Variants in COP1 observed in about 807,000 individuals in gnomAD.
The protein encoded by COP1 is COP1 E3 ubiquitin ligase.
In COP1, 24 loss-of-function variants were observed where a neutral mutation model predicts 101.3. That is an observed-to-expected ratio of 0.24 (90% CI 0.17 to 0.33). COP1 has a LOEUF of 0.33. Among genes scored for constraint, COP1 ranks in the 10% least tolerant of loss-of-function variants. The probability of loss-of-function intolerance (pLI) is 1.00; values close to 1 mark genes in which losing one functional copy is unlikely to be tolerated. For missense variants in COP1, 663 were observed against 906.2 expected, an observed-to-expected ratio of 0.73 and a Z score of 3.45; for synonymous variants, 347 against 341.9, an observed-to-expected ratio of 1.01 and a Z score of -0.17.
At chr1:175,953,230 T>C (rs1006486970) in intron 18 of COP1, among the ~76,000 whole-genome samples, 2 of 149,496 alleles carry the variant, frequency 1.3e-5, no homozygotes, top group East Asian at 2.0e-4. Context: ...CATTAAAAAA[T>C]ACAAGAAACA....
chr1:176,203,806 A>G (rs1299231667), intron 1 of COP1, among the ~76,000 whole-genome samples: 1 of 152,240 alleles, frequency 6.6e-6, no homozygotes, highest in Non-Finnish European at 1.5e-5. Context: ...TTACTTTCAA[A>G]TATAAGTCAG....
intron 1 of COP1, among the ~76,000 whole-genome samples, chr1:176,204,597 AAG>A (rs772402816): frequency 3.3e-5 from 5 of 152,192 alleles, no homozygotes; most frequent in Non-Finnish European, 7.3e-5. Context: ...TCACCAGAAA[AAG>A]AAATAATTAA....
intron 15 of COP1, among the ~76,000 whole-genome samples, chr1:175,993,562 G>C (rs1235515113): frequency 1.1e-4 from 17 of 152,204 alleles, no homozygotes; most frequent in Non-Finnish European, 1.6e-4. Context: ...AGCTGATGGA[G>C]CTGAAAGCCA....
chr1:176,205,039 T>A (rs1572846063), intron 1 of COP1, among the ~76,000 whole-genome samples: 1 of 152,204 alleles, frequency 6.6e-6, no homozygotes, highest in Admixed American at 6.5e-5. Context: ...CATACAAGTA[T>A]CTCTTGAATG....
Position 176,064,710 on chromosome 1 carries a change from C to T in COP1, c.1277+16442G>A, listed in dbSNP as rs970184173. 3.8e-4 allele frequency among the ~76,000 whole-genome samples: 58 copies of T among 152,072 alleles called. 2 individuals are homozygous for T. The highest frequency in any genetic ancestry group is 2.5e-3 in the Admixed American group (38 of 15,272). ...GCTCTGTCGCCCAGGCTGGGGTTCA[C>T]TGGTGTGATCATGGCTCACTGCAGC... On this transcript the variant is annotated intron_variant, in intron 11 of 19. Transcript: ENST00000367669.
chr1:176,033,729 T>C (rs1320212357), intron 14 of COP1, among the ~76,000 whole-genome samples: 11 of 152,192 alleles, frequency 7.2e-5, no homozygotes, highest in Non-Finnish European at 8.8e-5. Flanking sequence ...AACTAAATTA[T>C]TTTAAAAATA....
At chr1:176,056,856 C>T (rs943283125) in intron 11 of COP1, among the ~76,000 whole-genome samples, 19 of 152,134 alleles carry the variant, frequency 1.2e-4, no homozygotes, top group African/African-American at 4.3e-4. Flanking sequence ...CTAGTGACTA[C>T]AAACACTTTA....
At chr1:176,017,452 A>C (rs1002831500) in intron 15 of COP1, 3 of 152,194 alleles carry the variant, frequency 2.0e-5, no homozygotes, top group African/African-American at 7.2e-5. Flanking sequence ...GGCGGGAAAT[A>C]AATTTTGACC....
intron 14 of COP1, among the ~76,000 whole-genome samples, chr1:176,042,922 G>A (rs1413624836): frequency 2.6e-5 from 4 of 151,652 alleles, no homozygotes; most frequent in Non-Finnish European, 4.4e-5. Context: ...CCAGCTACTC[G>A]GGAGGGTGAG....
chr1:176,137,482 G>C (rs192754073), intron 6 of COP1, among the ~76,000 whole-genome samples: 616 of 152,176 alleles, frequency 4.0e-3, no homozygotes, highest in Non-Finnish European at 7.1e-3. Flanking sequence ...GCCAGGATGC[G>C]GTTGTCTTAC....
intron 11 of COP1, among the ~76,000 whole-genome samples, chr1:176,067,448 A>C (rs1467575019): frequency 6.6e-6 from 1 of 152,208 alleles, no homozygotes; most frequent in Non-Finnish European, 1.5e-5. Flanking sequence ...GCAGAGGAAC[A>C]CATCGGTACA....
intron 11 of COP1, among the ~76,000 whole-genome samples, chr1:176,050,681 A>C (rs1164176413): frequency 2.0e-5 from 3 of 152,364 alleles, no homozygotes; most frequent in East Asian, 3.9e-4. Context: ...ATGTTACTCA[A>C]CTTTCTTCCA....
At chr1:176,162,826 A>T in intron 5 of COP1, 43 bp downstream of exon 5, 2 of 1,523,832 alleles carry the variant, frequency 1.3e-6, no homozygotes, top group Non-Finnish European at 1.8e-6. Context: ...ATTGCAATAA[A>T]GTTCATCATT....
chr1:176,131,609 G>C (rs1478841846), intron 8 of COP1, among the ~76,000 whole-genome samples: 2 of 151,908 alleles, frequency 1.3e-5, no homozygotes, highest in East Asian at 3.9e-4. Context: ...AACAAAAACT[G>C]TCTGGCATTT....
intron 9 of COP1, among the ~76,000 whole-genome samples, chr1:176,112,444 A>G (rs1364511923): frequency 1.3e-5 from 2 of 152,144 alleles, no homozygotes; most frequent in South Asian, 2.1e-4. Flanking sequence ...TTGCTATATC[A>G]TGGTTGTGCA....
At position 176,135,199 on chromosome 1, in the gene COP1, G is replaced by C. The variant is rs1009265526; in HGVS notation, c.892-113C>G. The stretch of plus-strand genomic sequence containing the variant: ...CCCAGGTTTTCATCAGTCCCTGTTT[G>C]TCTCAATATCAAATTTCTGAAGGCT... On this transcript the variant is annotated intron_variant, in intron 7 of 19. Transcript: ENST00000367669. 20 of 613,076 alleles carry C rather than the reference G, an allele frequency of 3.3e-5. No individual in the cohort carries two copies. In the African/African-American group the frequency reaches 3.6e-4, roughly 11 times the overall value. The allele number at this position is 613,076 out of a possible 1,614,324, so 38.0% of individuals were successfully genotyped here.
At chr1:176,064,994 C>T (rs180692218) in intron 11 of COP1, among the ~76,000 whole-genome samples, 1 of 152,268 alleles carries the variant, frequency 6.6e-6, no homozygotes, top group Admixed American at 6.5e-5. Flanking sequence ...ATTGCAATTA[C>T]TCTCCCCTTT....
At chr1:176,009,898 A>C (rs1214143842) in intron 15 of COP1, among the ~76,000 whole-genome samples, 1 of 149,052 alleles carries the variant, frequency 6.7e-6, no homozygotes, top group Non-Finnish European at 1.5e-5. Flanking sequence ...GGTCCGCAAT[A>C]ATTTTCTTTC....
intron 18 of COP1, among the ~76,000 whole-genome samples, chr1:175,958,185 T>C (rs541477741): frequency 3.0e-4 from 45 of 152,114 alleles, no homozygotes; most frequent in Non-Finnish European, 4.0e-4. Context: ...TATATTTCAA[T>C]AATATCAATT....
Sources: gnomAD v4.1 joint callset for allele counts (sites outside exome capture counted in the v4.1 genomes callset) on GRCh38, gnomAD v4.1.1 for gene constraint, MANE v1.5 for transcripts, NCBI Gene and HGNC (gene_info 2026-07-23, HGNC 2026-07-21) for gene names.